Variants in KCNMA1 observed in about 807,000 individuals in gnomAD.
KCNMA1 encodes the protein potassium calcium-activated channel subfamily M alpha 1, also known as Calcium-activated potassium channel subunit alpha-1.
A neutral mutation model predicts 140.0 loss-of-function variants in KCNMA1; 29 were observed. The ratio of observed to expected loss-of-function variants is 0.21; its 90% CI spans 0.15 to 0.28. The LOEUF is 0.28. KCNMA1 is among the 10% of genes least tolerant of loss of function. The probability of loss-of-function intolerance (pLI) is 1.00; values close to 1 mark genes in which losing one functional copy is unlikely to be tolerated. For synonymous variants in KCNMA1, 612 were observed against 611.9 expected, an observed-to-expected ratio of 1.00 and a Z score of 0.00; for missense variants, 880 against 1,602.2, an observed-to-expected ratio of 0.55 and a Z score of 7.70.
At chr10:76,903,193 A>G (rs2046308179) in intron 25 of KCNMA1, 1 of 152,200 alleles carries the variant, frequency 6.6e-6, no homozygotes. Context: ...TCCTCTTTTT[A>G]TTTTTTTAAA....
chr10:77,387,527 G>GTTCTTTTCTT (rs57906683), intron 2 of KCNMA1, among the ~76,000 whole-genome samples: 2,121 of 139,372 alleles, frequency 0.015, 27 homozygotes, highest in African/African-American at 0.029. Context: ...TCATGGAATT[G>GTTCTTTTCTT]TTCTTTTCTT....
chr10:77,371,490 A>C (rs1286084245), intron 2 of KCNMA1, among the ~76,000 whole-genome samples: 1 of 152,198 alleles, frequency 6.6e-6, no homozygotes, highest in African/African-American at 2.4e-5. Flanking sequence ...AATTAAATTG[A>C]CAACATGTAA....
At chr10:76,967,745 T>C (rs780115271) in intron 20 of KCNMA1, among the ~76,000 whole-genome samples, 10 of 152,170 alleles carry the variant, frequency 6.6e-5, no homozygotes, top group Non-Finnish European at 1.2e-4. Context: ...ACTGAGGCCT[T>C]AGCAGCAGCC....
At chr10:77,039,691 A>G in intron 14 of KCNMA1, 54 bp from the exon 15 acceptor site, 1 of 1,110,298 alleles carries the variant, frequency 9.0e-7, no homozygotes, top group Non-Finnish European at 1.4e-6. Context: ...GGGCTGTAAA[A>G]GGGAAACCTG....
chr10:77,097,743 C>G (rs2096971106), intron 9 of KCNMA1, among the ~76,000 whole-genome samples: 1 of 152,182 alleles, frequency 6.6e-6, no homozygotes, highest in African/African-American at 2.4e-5. Context: ...AGATAATTTC[C>G]TATCCATGGA....
intron 2 of KCNMA1, among the ~76,000 whole-genome samples, chr10:77,402,089 T>C (rs959898479): frequency 6.6e-6 from 1 of 152,216 alleles, no homozygotes; most frequent in African/African-American, 2.4e-5. Flanking sequence ...GCAGCTAAAC[T>C]GTCTGCTGCT....
intron 2 of KCNMA1, among the ~76,000 whole-genome samples, chr10:77,380,618 ACGCT>A (rs2095349682): frequency 6.6e-6 from 1 of 152,118 alleles, no homozygotes; most frequent in Admixed American, 6.5e-5. Context: ...CTACTCATAA[ACGCT>A]TACTCCCTCA....
intron 14 of KCNMA1, among the ~76,000 whole-genome samples, chr10:77,054,971 A>G (rs935329472): frequency 6.6e-6 from 1 of 152,160 alleles, no homozygotes; most frequent in Non-Finnish European, 1.5e-5. Flanking sequence ...TAGGTGAACT[A>G]CCTGAAACTT....
intron 1 of KCNMA1, among the ~76,000 whole-genome samples, chr10:77,452,612 C>T (rs1044736752): frequency 3.3e-5 from 5 of 152,182 alleles, no homozygotes; most frequent in African/African-American, 1.2e-4. Context: ...TTCTGTCTGC[C>T]CATGAGTATG....
At chr10:77,589,452 TCTC>T (rs1231085125) in intron 1 of KCNMA1, among the ~76,000 whole-genome samples, 1 of 152,002 alleles carries the variant, frequency 6.6e-6, no homozygotes, top group Non-Finnish European at 1.5e-5. Context: ...TCCCTGGGCC[TCTC>T]CTCACCTCTA....
rs142446666 is a variant in KCNMA1 at position 76,870,455 on chromosome 10, A to C, written c.*7414T>G. ...GCAGCAGCACAGAAGTCCTCAAGGG[A>C]TAAGCAAAGGAAACCTTTCTAAACT... On this transcript the variant is annotated 3_prime_UTR_variant, in exon 28 of 28. Coordinates refer to the KCNMA1 transcript ENST00000604624. 4.1e-3 allele frequency: 621 copies of C among 152,508 alleles called. 4 individuals carry two copies. The highest frequency in any genetic ancestry group is 0.017 in the Middle Eastern group (5 of 294). The allele number at this position is 152,508 out of a possible 1,614,324, so 9.4% of individuals were successfully genotyped here.
intron 2 of KCNMA1, among the ~76,000 whole-genome samples, chr10:77,323,596 C>T (rs1478878747): frequency 1.3e-5 from 2 of 152,174 alleles, no homozygotes; most frequent in African/African-American, 4.8e-5. Flanking sequence ...AGAGGTTCAC[C>T]ACATACCTAT....
At chr10:77,363,834 A>G (rs1026012100) in intron 2 of KCNMA1, among the ~76,000 whole-genome samples, 1 of 152,042 alleles carries the variant, frequency 6.6e-6, no homozygotes, top group Admixed American at 6.5e-5. Context: ...AACTCCCCTG[A>G]CTGCTTCCCA....
intron 20 of KCNMA1, among the ~76,000 whole-genome samples, chr10:76,960,376 C>CA: frequency 6.6e-6 from 1 of 152,086 alleles, no homozygotes; most frequent in East Asian, 1.9e-4. Flanking sequence ...CCCATCTCTA[C>CA]AAAAAATATA....
intron 1 of KCNMA1, among the ~76,000 whole-genome samples, chr10:77,472,604 A>G (rs1415266906): frequency 6.6e-6 from 1 of 152,248 alleles, no homozygotes; most frequent in East Asian, 1.9e-4. Flanking sequence ...CATTTGGAAA[A>G]TTAGCCCCAT....
At chr10:77,133,679 G>A (rs1012264207) in intron 5 of KCNMA1, among the ~76,000 whole-genome samples, 2 of 152,056 alleles carry the variant, frequency 1.3e-5, no homozygotes, top group African/African-American at 2.4e-5. Context: ...AATATGACAA[G>A]AATGCACAAA....
At chr10:77,188,422 G>A (rs142299097) in intron 3 of KCNMA1, among the ~76,000 whole-genome samples, 77 of 152,218 alleles carry the variant, frequency 5.1e-4, no homozygotes, top group African/African-American at 1.8e-3. Flanking sequence ...TAAGATACTT[G>A]GTAAGTGGCA....
intron 2 of KCNMA1, among the ~76,000 whole-genome samples, chr10:77,324,961 CTCTCTCTCTCTGTGTGTGTG>C (rs370818315): frequency 0.14 from 18,524 of 131,284 alleles, 1,603 homozygotes; most frequent in African/African-American, 0.27. Context: ...CTCTCTCTCT[CTCTCTCTCTCTGTGTGTGTG>C]TGTGTGTGTG....
intron 15 of KCNMA1, 119 bp downstream of exon 15, chr10:77,039,409 G>A (rs967622321): frequency 1.4e-6 from 1 of 728,084 alleles, no homozygotes; most frequent in Non-Finnish European, 2.5e-6. Context: ...GAGCACACGG[G>A]ATACCCTCGG....
Sources: allele counts gnomAD v4.1 joint callset (sites outside exome capture counted in the v4.1 genomes callset), GRCh38; gene constraint gnomAD v4.1.1; transcripts MANE v1.5; gene names NCBI Gene and HGNC (gene_info 2026-07-23, HGNC 2026-07-21).